Variants in BCOR observed in about 807,000 individuals in gnomAD.
BCOR encodes the protein BCL6 corepressor.
In BCOR, 10 loss-of-function variants were observed where a neutral mutation model predicts 86.7. The observed-to-expected ratio is 0.12, with a 90% CI of 0.07 to 0.20. BCOR has a LOEUF of 0.20. Among genes scored for constraint, BCOR ranks in the 10% least tolerant of loss-of-function variants. BCOR has a pLI of 1.00. For missense variants in BCOR, 1,259 were observed against 1,452.1 expected (o/e 0.87, Z 2.16); for synonymous variants, 611 against 609.0 (o/e 1.00, Z -0.05).
intron 14 of BCOR, 106 bp downstream of exon 14, chrX:40,053,780 G>A: frequency 5.6e-6 from 5 of 900,565 alleles, no homozygotes; most frequent in Non-Finnish European, 6.4e-6. Context: ...GGACAGTTAA[G>A]GAGGTCACTC....
intron 1 of BCOR, among the ~76,000 whole-genome samples, chrX:40,168,596 G>C (rs1938553267): frequency 8.9e-6 from 1 of 112,381 alleles, no homozygotes; most frequent in South Asian, 3.7e-4. Flanking sequence ...TGCTCCGGCG[G>C]TGCGCGCACA....
Position 40,074,330 on chromosome X carries a change from G to A in BCOR, c.1016C>T (p.Pro339Leu), listed in dbSNP as rs587778095. Reference protein sequence around the residue: ...TALLLPPSPRPSPRVHLPTQP... With the variant: ...TALLLPPSPRLSPRVHLPTQP... ...GGTGGGAAGGTGGACTCGGGGTGACGGCCGAGGCGAGGGGGGCAACAGGAG... is the reference window on the plus strand; with the variant it reads ...GGTGGGAAGGTGGACTCGGGGTGACAGCCGAGGCGAGGGGGGCAACAGGAG... The change falls in exon 4 of 15, where the codon CCG (proline) becomes CTG (leucine). Residue 339 changes from proline to leucine, a missense_variant. By Grantham distance (98) the Pro-to-Leu change is moderately conservative. This residue lies in a region of BCOR where 534 missense variants were observed against 594.8 expected (regional missense o/e 0.90). Transcript: ENST00000378444. The A allele has an allele frequency of 7.4e-6, 9 of 1,210,470 alleles. No individual in the cohort carries two copies. The highest frequency in any genetic ancestry group is 6.5e-5 in the Admixed American group (3 of 45,955).
Position 40,074,579 on chromosome X carries a change from T to C in BCOR, c.767A>G (p.His256Arg), listed in dbSNP as rs1329315141. 1 of 1,211,800 alleles carries C rather than the reference T, an allele frequency of 8.3e-7. No homozygotes were observed. The highest frequency in any genetic ancestry group is 1.7e-5 in the African/African-American group (1 of 57,931). ...GGGTGATGCCAAGGACGATGGGATG[T>C]GGGGACCGACGTAGTGAGGTGGCGG... Reference protein sequence around the residue: ...YLPPPHYVGPHIPSSLASPMR... With the variant: ...YLPPPHYVGPRIPSSLASPMR... The change falls in exon 4 of 15, where the codon CAC (histidine) becomes CGC (arginine). Residue 256 changes from histidine to arginine, a missense_variant. This residue lies in a region of BCOR where 534 missense variants were observed against 594.8 expected (regional missense o/e 0.90). Coordinates refer to ENST00000378444, the MANE Select transcript of BCOR (RefSeq NM_001123385.2).
chrX:40,062,638 TG>T, intron 9 of BCOR, 107 bp downstream of exon 9: 1 of 827,341 alleles, frequency 1.2e-6, no homozygotes. Flanking sequence ...ACGTGTGGTG[TG>T]GGGGAGGAGT....
chrX:40,122,479 G>A (rs1052345482), intron 1 of BCOR, among the ~76,000 whole-genome samples: 5 of 112,199 alleles, frequency 4.5e-5, no homozygotes, highest in Admixed American at 9.4e-5. Context: ...ATCTGTTAAC[G>A]CACAGTAAGT....
chrX:40,058,942 C>T (rs1934734164), intron 10 of BCOR, among the ~76,000 whole-genome samples: 1 of 112,094 alleles, frequency 8.9e-6, no homozygotes, highest in African/African-American at 3.2e-5. Context: ...GGCCCTGTCA[C>T]GTGACTCAGG....
At chrX:40,066,535 C>T (rs1040349872) in intron 6 of BCOR, among the ~76,000 whole-genome samples, 5 of 111,220 alleles carry the variant, frequency 4.5e-5, no homozygotes, top group Non-Finnish European at 7.5e-5. Context: ...TACAAAAGGA[C>T]GCTATGATCC....
chrX:40,151,509 C>A (rs779850198), intron 1 of BCOR, among the ~76,000 whole-genome samples: 29 of 112,635 alleles, frequency 2.6e-4, no homozygotes, highest in Non-Finnish European at 4.7e-4. Flanking sequence ...CCTCACAGTT[C>A]CGATAAGGCT....
chrX:40,106,388 C>T (rs1316498821), intron 1 of BCOR, among the ~76,000 whole-genome samples: 2 of 112,168 alleles, frequency 1.8e-5, no homozygotes. Context: ...GCGGCGTGTG[C>T]GGCGGCCCCG....
intron 1 of BCOR, among the ~76,000 whole-genome samples, chrX:40,079,540 G>A (rs1485066619): frequency 9.0e-6 from 1 of 111,719 alleles, no homozygotes; most frequent in African/African-American, 3.3e-5. Context: ...CACATGCAGC[G>A]ACACACCACG....
intron 1 of BCOR, among the ~76,000 whole-genome samples, chrX:40,152,106 G>C (rs184934936): frequency 1.8e-5 from 2 of 111,039 alleles, no homozygotes; most frequent in East Asian, 2.9e-4. Flanking sequence ...GGTGGGTAGG[G>C]GTTGGTGGGG....
intron 1 of BCOR, among the ~76,000 whole-genome samples, chrX:40,096,484 G>C (rs1442716855): frequency 9.0e-6 from 1 of 111,073 alleles, no homozygotes; most frequent in African/African-American, 3.4e-5. Context: ...GGCCAAGTCG[G>C]AACCCCTTGC....
intron 1 of BCOR, among the ~76,000 whole-genome samples, chrX:40,156,406 C>T (rs1251331750): frequency 8.9e-6 from 1 of 111,890 alleles, no homozygotes; most frequent in Non-Finnish European, 1.9e-5. Context: ...ACAGCAGCGG[C>T]AGGGGATGAG....
In BCOR at chrX:40,072,640, C is replaced by T. The variant is rs374249449; in HGVS notation, c.2706G>A (p.Glu902=). The T allele has an allele frequency of 1.6e-6, 2 of 1,212,293 alleles. No individual in the cohort carries two copies. Among genetic ancestry groups the T allele is most frequent in the Non-Finnish European group, 2.2e-6 (2 of 895,640 alleles). The change falls in exon 4 of 15, where the codon GAG becomes GAA. Residue 902 remains glutamate, a synonymous_variant. Transcript: ENST00000378444. The part of the protein sequence containing the change: ...LGLPVSTPFL[E]PPLGSDGPAV... ...CAGGGCCATCGCTCCCCAGAGGTGG[C>T]TCCAGGAATGGAGTCGAGACTGGCA...
At chrX:40,148,557 T>C (rs780462655) in intron 1 of BCOR, among the ~76,000 whole-genome samples, 134 of 110,755 alleles carry the variant, frequency 1.2e-3, no homozygotes, top group African/African-American at 4.4e-3. Context: ...GGGCCCTTCA[T>C]GGGGGAGGAG....
intron 7 of BCOR, 90 bp downstream of exon 7, chrX:40,064,246 C>T (rs939332905): frequency 4.1e-5 from 47 of 1,155,194 alleles, no homozygotes; most frequent in South Asian, 4.0e-4. Flanking sequence ...ACGGGGGCAG[C>T]GCGCCGCACA....
rs774255846 is a variant in BCOR, at chrX:40,129,012, A to T, written c.-41+47995T>A. On this transcript the variant is annotated intron_variant, in intron 1 of 14. Coordinates refer to the BCOR transcript ENST00000342274. ...CGGTCAAAATGAGGCACTAGTCACA[A>T]CTAAATGACCCTATTTTGCACATGA... Among the ~76,000 whole-genome samples, 4 of 112,083 alleles carry T rather than the reference A, an allele frequency of 3.6e-5. No individual in the cohort carries two copies. In the East Asian group the frequency reaches 8.4e-4, roughly 23 times the overall value.
At chrX:40,163,399 T>C (rs958711637) in intron 1 of BCOR, among the ~76,000 whole-genome samples, 2 of 111,876 alleles carry the variant, frequency 1.8e-5, no homozygotes, top group African/African-American at 6.5e-5. Flanking sequence ...ATTTGCTTTA[T>C]AGGCTCTATT....
At position 40,097,782 on chromosome X, in the gene BCOR, G is replaced by C. The variant is rs1184080575; in HGVS notation, c.-608C>G. On this transcript the variant is annotated 5_prime_UTR_variant, in exon 1 of 15. Coordinates refer to ENST00000378444, the MANE Select transcript of BCOR (RefSeq NM_001123385.2). ...TCCCTGCGCGGCGACAGCGCGGCTT[G>C]GGCTCTCCGCCCGGCGGCTCGCGGG... Among the ~76,000 whole-genome samples, 1 of 111,264 alleles carries C rather than the reference G, an allele frequency of 9.0e-6. No individual in the cohort carries two copies. The highest frequency in any genetic ancestry group is 1.9e-5 in the Non-Finnish European group (1 of 52,437).
Sources: gnomAD v4.1 joint callset for allele counts (sites outside exome capture counted in the v4.1 genomes callset) on GRCh38, gnomAD v4.1.1 for gene constraint, gnomAD v4.1.1 regional missense constraint, MANE v1.5 for transcripts, NCBI Gene and HGNC (gene_info 2026-07-23, HGNC 2026-07-21) for gene names.